The following SULT6B1 variants were observed in gnomAD, a reference collection of about 807,000 sequenced individuals.
The protein encoded by SULT6B1 is sulfotransferase 6B1.
Under a neutral mutation model 37.2 loss-of-function variants are expected in SULT6B1, and 44 were observed. The ratio of observed to expected loss-of-function variants is 1.18; its 90% CI spans 0.93 to 1.52. The LOEUF (loss-of-function observed/expected upper bound fraction) is 1.52, where lower values mean the gene tolerates loss of function less well. SULT6B1 is among the 40% of genes most tolerant of loss of function. The probability of loss-of-function intolerance (pLI) is 0.00; values close to 1 mark genes in which losing one functional copy is unlikely to be tolerated. For missense variants in SULT6B1, 450 were observed against 361.0 expected, an observed-to-expected ratio of 1.25 and a Z score of -2.00; for synonymous variants, 140 against 126.0, an observed-to-expected ratio of 1.11 and a Z score of -0.74.
At chr2:37,186,220 T>C (rs1226375708) in intron 2 of SULT6B1, among the ~76,000 whole-genome samples, 1 of 152,196 alleles carries the variant, frequency 6.6e-6, no homozygotes, top group Non-Finnish European at 1.5e-5. Flanking sequence ...TCTCTGCCTG[T>C]TGGGAATCTT....
intron 6 of SULT6B1, 83 bp downstream of exon 6, chr2:37,171,351 T>C (rs1055485858): frequency 6.7e-7 from 1 of 1,500,550 alleles, no homozygotes; most frequent in African/African-American, 1.4e-5. Flanking sequence ...CTATCTGACT[T>C]AAGATGAAGT....
upstream of SULT6B1, among the ~76,000 whole-genome samples, chr2:37,193,643 A>AAGAAGAAGAAGAAGAAGAAGAAGG (rs1184385119): frequency 1.5e-3 from 203 of 132,392 alleles, no homozygotes; most frequent in African/African-American, 5.5e-3. Flanking sequence ...GAAGAAGAAG[A>AAGAAGAAGAAGAAGAAGAAGAAGG]AGAAGAAGGA....
chr2:37,178,693 CA>C (rs1252389305), intron 4 of SULT6B1, among the ~76,000 whole-genome samples: 1 of 152,148 alleles, frequency 6.6e-6, no homozygotes, highest in Non-Finnish European at 1.5e-5. Context: ...AAACCAGAGA[CA>C]AAATATCAAC....
chr2:37,181,006 G>A (rs1349296856), intron 3 of SULT6B1, among the ~76,000 whole-genome samples: 1 of 152,132 alleles, frequency 6.6e-6, no homozygotes, highest in Admixed American at 6.5e-5. Context: ...ATGTTTTAAT[G>A]AATCATTTAG....
At chr2:37,183,346 C>G (rs537686117) in intron 3 of SULT6B1, 79 bp downstream of exon 3, 16 of 1,129,400 alleles carry the variant, frequency 1.4e-5, no homozygotes, top group Non-Finnish European at 3.9e-6. Context: ...TGAGAAGGAA[C>G]AAACTCATGA....
upstream of SULT6B1, among the ~76,000 whole-genome samples, chr2:37,192,583 T>G (rs1024244814): frequency 1.3e-5 from 2 of 152,230 alleles, no homozygotes; most frequent in African/African-American, 2.4e-5. Flanking sequence ...TATTTAAGAA[T>G]TTCCCTCCCC....
intron 1 of SULT6B1, 129 bp downstream of exon 1, chr2:37,188,313 C>CCCT: frequency 1.4e-6 from 1 of 708,564 alleles, no homozygotes; most frequent in South Asian, 1.9e-5. Flanking sequence ...ACCACTGTGG[C>CCCT]CCTCCTCCTC....
intron 3 of SULT6B1, among the ~76,000 whole-genome samples, chr2:37,181,664 G>A (rs1476429346): frequency 6.6e-6 from 1 of 152,086 alleles, no homozygotes; most frequent in African/African-American, 2.4e-5. Context: ...TTACAGATGT[G>A]AGCCACTGCA....
At chr2:37,190,334 T>G (rs1410995446), upstream of SULT6B1, among the ~76,000 whole-genome samples, 1 of 152,244 alleles carries the variant, frequency 6.6e-6, no homozygotes, top group African/African-American at 2.4e-5. Flanking sequence ...GTATTTACCT[T>G]TCTCTTAACC....
intron 3 of SULT6B1, among the ~76,000 whole-genome samples, chr2:37,179,888 G>A (rs1486917659): frequency 6.6e-6 from 1 of 152,194 alleles, no homozygotes; most frequent in Non-Finnish European, 1.5e-5. Context: ...ATAATCACAA[G>A]AGTATGACCT....
intron 3 of SULT6B1, among the ~76,000 whole-genome samples, chr2:37,179,876 G>T (rs1214526305): frequency 6.6e-6 from 1 of 152,078 alleles, no homozygotes; most frequent in Non-Finnish European, 1.5e-5. Flanking sequence ...AAGCTCACTA[G>T]GATAATCACA....
At chr2:37,171,878 A>C (rs1676310968) in intron 5 of SULT6B1, among the ~76,000 whole-genome samples, 1 of 152,142 alleles carries the variant, frequency 6.6e-6, no homozygotes. Context: ...ACAGGTTATA[A>C]TTTTATCTAG....
At position 37,188,426 on chromosome 2, in the gene SULT6B1, A is replaced by C. The variant is rs751469496; in HGVS notation, c.199+16T>G. 3.1e-6 allele frequency: 5 copies of C among 1,607,880 alleles called. No homozygotes were observed. The Middle Eastern group carries it at 5.0e-4, about 160-fold the overall frequency. The stretch of plus-strand genomic sequence containing the variant: ...ACTATGAGAAGTGTACTTGTAGGAA[A>C]CGACTTGTCATTTACCGCACTTTGG... On this transcript the variant is annotated intron_variant, in intron 1 of 6. Coordinates refer to ENST00000535679, the MANE Select transcript of SULT6B1 (RefSeq NM_001367551.1).
intron 4 of SULT6B1, among the ~76,000 whole-genome samples, chr2:37,178,781 G>A (rs1330743049): frequency 6.6e-6 from 1 of 152,178 alleles, no homozygotes; most frequent in Non-Finnish European, 1.5e-5. Flanking sequence ...TAGTAGCTCA[G>A]TGTCATGGTT....
intron 2 of SULT6B1, among the ~76,000 whole-genome samples, chr2:37,187,023 T>C (rs1024039150): frequency 6.6e-6 from 1 of 152,184 alleles, no homozygotes; most frequent in African/African-American, 2.4e-5. Context: ...TTCCCCCTAC[T>C]TAAAATAAAA....
intron 2 of SULT6B1, among the ~76,000 whole-genome samples, chr2:37,184,224 C>G (rs541255847): frequency 6.6e-6 from 1 of 152,122 alleles, no homozygotes; most frequent in Non-Finnish European, 1.5e-5. Flanking sequence ...ACAGTTCCTG[C>G]GAATCCATTT....
At chr2:37,173,133 G>A (rs545872798) in intron 5 of SULT6B1, among the ~76,000 whole-genome samples, 3 of 152,214 alleles carry the variant, frequency 2.0e-5, no homozygotes, top group Admixed American at 6.5e-5. Context: ...GATTACAGGC[G>A]TGAGCCACCA....
chr2:37,177,095 G>A (rs1251485760), intron 4 of SULT6B1, among the ~76,000 whole-genome samples: 1 of 152,076 alleles, frequency 6.6e-6, no homozygotes, highest in African/African-American at 2.4e-5. Context: ...CCTCTCCAAG[G>A]ATGGATAGGG....
intron 6 of SULT6B1, 53 bp downstream of exon 6, chr2:37,171,381 G>A: frequency 6.4e-7 from 1 of 1,574,470 alleles, no homozygotes; most frequent in Non-Finnish European, 8.6e-7. Flanking sequence ...TACCTGTTGT[G>A]TGCAAAGTCA....
Sources: allele counts gnomAD v4.1 joint callset (sites outside exome capture counted in the v4.1 genomes callset), GRCh38; gene constraint gnomAD v4.1.1; transcripts MANE v1.5; gene names NCBI Gene and HGNC (gene_info 2026-07-23, HGNC 2026-07-21).